Variants in PARD3B observed in about 807,000 individuals in gnomAD.
PARD3B encodes par-3 family cell polarity regulator beta, also known as partitioning defective 3 homolog B.
PARD3B carries 103 observed loss-of-function variants against 130.2 expected under a neutral mutation model. The observed-to-expected ratio is 0.79, with a 90% confidence interval of 0.67 to 0.93. The LOEUF (loss-of-function observed/expected upper bound fraction) is 0.93. PARD3B is among the 40% of genes least tolerant of loss of function. The pLI, the probability that PARD3B is intolerant of heterozygous loss-of-function variation, is 0.00. For synonymous variants in PARD3B, 583 were observed against 553.2 expected, an observed-to-expected ratio of 1.05 and a Z score of -0.76; for missense variants, 1,609 against 1,499.2, an observed-to-expected ratio of 1.07 and a Z score of -1.21.
intron 22 of PARD3B, among the ~76,000 whole-genome samples, chr2:205,559,227 C>A (rs1042124162): frequency 1.3e-5 from 2 of 152,208 alleles, no homozygotes; most frequent in Non-Finnish European, 2.9e-5. Flanking sequence ...CTCACTGCAA[C>A]GTCTGCCTCC....
intron 2 of PARD3B, among the ~76,000 whole-genome samples, chr2:204,773,431 T>C (rs7560094): frequency 0.022 from 3,359 of 152,222 alleles, 132 homozygotes; most frequent in African/African-American, 0.077. Flanking sequence ...TAACACATGT[T>C]GTTTTATATA....
At chr2:205,561,745 A>G (rs575613502) in intron 22 of PARD3B, among the ~76,000 whole-genome samples, 1 of 152,266 alleles carries the variant, frequency 6.6e-6, no homozygotes, top group Non-Finnish European at 1.5e-5. Flanking sequence ...TGTCCCTAAG[A>G]TTGCTGCTCT....
intron 2 of PARD3B, among the ~76,000 whole-genome samples, chr2:204,856,182 C>T (rs950741992): frequency 3.9e-5 from 6 of 152,078 alleles, no homozygotes; most frequent in African/African-American, 1.2e-4. Flanking sequence ...ACAAAGGTTG[C>T]CTTTCCTCCA....
chr2:205,465,877 G>T (rs1214172175), intron 20 of PARD3B, among the ~76,000 whole-genome samples: 2 of 152,230 alleles, frequency 1.3e-5, no homozygotes, highest in Non-Finnish European at 2.9e-5. Context: ...TAGGTTGAAA[G>T]CTGCCTCCAA....
chr2:204,564,559 A>T (rs1193755765), intron 1 of PARD3B, among the ~76,000 whole-genome samples: 2 of 152,212 alleles, frequency 1.3e-5, no homozygotes, highest in African/African-American at 2.4e-5. Context: ...AAATATGTTC[A>T]ATTGATTTAA....
intron 2 of PARD3B, among the ~76,000 whole-genome samples, chr2:204,844,411 ATT>A (rs1410862545): frequency 6.6e-6 from 1 of 152,100 alleles, no homozygotes; most frequent in Non-Finnish European, 1.5e-5. Flanking sequence ...AAAATGCAAA[ATT>A]TTATTTTTAA....
chr2:204,733,190 A>C (rs1238121312), intron 2 of PARD3B, among the ~76,000 whole-genome samples: 1 of 152,196 alleles, frequency 6.6e-6, no homozygotes, highest in African/African-American at 2.4e-5. Context: ...AATAGATTGC[A>C]ATATATTGAA....
At chr2:205,423,532 A>G (rs781719120) in intron 19 of PARD3B, among the ~76,000 whole-genome samples, 25 of 152,242 alleles carry the variant, frequency 1.6e-4, no homozygotes, top group Admixed American at 9.2e-4. Flanking sequence ...AGAATATTCT[A>G]TATGGTTTCT....
intron 11 of PARD3B, among the ~76,000 whole-genome samples, chr2:205,170,656 A>G (rs1000124759): frequency 4.6e-5 from 7 of 152,222 alleles, no homozygotes; most frequent in African/African-American, 1.7e-4. Context: ...CTATCAGCAG[A>G]GGGACTTCCT....
At chr2:205,522,752 C>G (rs1304647968) in intron 21 of PARD3B, among the ~76,000 whole-genome samples, 2 of 152,004 alleles carry the variant, frequency 1.3e-5, no homozygotes, top group Non-Finnish European at 2.9e-5. Flanking sequence ...TAAATTTTTA[C>G]TAACAGCTTT....
chr2:205,114,267 G>A (rs940113771), intron 6 of PARD3B, among the ~76,000 whole-genome samples: 2 of 152,062 alleles, frequency 1.3e-5, no homozygotes, highest in Non-Finnish European at 2.9e-5. Context: ...ATTAAAGTGT[G>A]TGCCACAGAG....
At chr2:204,865,245 T>A (rs2045362205) in intron 2 of PARD3B, among the ~76,000 whole-genome samples, 1 of 152,174 alleles carries the variant, frequency 6.6e-6, no homozygotes, top group African/African-American at 2.4e-5. Flanking sequence ...GATCTACCAT[T>A]TGATCCAGAA....
chr2:205,268,494 T>C lies in PARD3B; in HGVS notation c.2185+22672T>C, dbSNP rs2040598891. The stretch of plus-strand genomic sequence containing the variant: ...TCTTAAGATTCTATGCTTCTCTGGG[T>C]GTTAAAAGTCCACTGGAAAATAAGA... On this transcript the variant is annotated intron_variant, in intron 16 of 22. Transcript: ENST00000406610. This position sits in a 1 kb window ranked among gnomAD's most constrained non-coding sequence, Gnocchi z 4.1. Among the ~76,000 whole-genome samples the C allele has an allele frequency of 6.6e-6, 1 of 152,090 alleles. No homozygotes were observed. The highest frequency in any genetic ancestry group is 1.5e-5 in the Non-Finnish European group (1 of 68,024).
chr2:205,296,936 G>A (rs1471821014), intron 16 of PARD3B, among the ~76,000 whole-genome samples: 1 of 150,778 alleles, frequency 6.6e-6, no homozygotes, highest in Non-Finnish European at 1.5e-5. Flanking sequence ...AGAAAATTTG[G>A]CACCTGACAT....
chr2:204,633,533 G>C (rs2034762530), intron 1 of PARD3B, among the ~76,000 whole-genome samples: 1 of 152,110 alleles, frequency 6.6e-6, no homozygotes, highest in Non-Finnish European at 1.5e-5. Context: ...TAAAAATTTA[G>C]CTGGGCACGG....
chr2:204,626,867 C>T (rs527382735), intron 1 of PARD3B, among the ~76,000 whole-genome samples: 1 of 152,124 alleles, frequency 6.6e-6, no homozygotes, highest in Admixed American at 6.5e-5. Flanking sequence ...CACCCAAATG[C>T]CCAACACCTA....
chr2:205,446,949 A>G lies in PARD3B; in HGVS notation c.3044+6277A>G, dbSNP rs935768203. Reference sequence around the variant, plus strand: ...TATATGTGGCACACAGCACAAATGCAGTTTTGCATTAGTTTGTGTGACAAT... The same window carrying G: ...TATATGTGGCACACAGCACAAATGCGGTTTTGCATTAGTTTGTGTGACAAT... On this transcript the variant is annotated intron_variant, in intron 20 of 22. Transcript: ENST00000406610. The surrounding 1 kb of genome is among the most constrained non-coding windows in gnomAD (Gnocchi z 4.4). Among the ~76,000 whole-genome samples, 3 of 152,338 alleles carry G rather than the reference A, an allele frequency of 2.0e-5. No homozygotes were observed. The highest frequency in any genetic ancestry group is 1.9e-4 in the East Asian group (1 of 5,182).
At chr2:204,949,047 G>A (rs953387187) in intron 2 of PARD3B, among the ~76,000 whole-genome samples, 1 of 152,074 alleles carries the variant, frequency 6.6e-6, no homozygotes, top group African/African-American at 2.4e-5. Flanking sequence ...CAGAATGGCA[G>A]GCATCTTTAC....
intron 15 of PARD3B, among the ~76,000 whole-genome samples, chr2:205,211,741 A>G (rs763548661): frequency 7.2e-5 from 11 of 152,094 alleles, no homozygotes; most frequent in Non-Finnish European, 1.5e-4. Flanking sequence ...CAAATTGGAA[A>G]CTGACTAATC....
Sources: allele counts gnomAD v4.1 joint callset (sites outside exome capture counted in the v4.1 genomes callset), GRCh38; gene constraint gnomAD v4.1.1; non-coding constraint Gnocchi (gnomAD v3.1); transcripts MANE v1.5; gene names NCBI Gene and HGNC (gene_info 2026-07-23, HGNC 2026-07-21).